C1orf21: variants seen among roughly 807,000 people sequenced by gnomAD.
C1orf21 encodes uncharacterized protein C1orf21.
In C1orf21, 3 loss-of-function variants were observed where a neutral mutation model predicts 18.7. The observed-to-expected ratio is 0.16, with a 90% CI of 0.07 to 0.42. C1orf21 has a LOEUF of 0.42. Among genes scored for constraint, C1orf21 ranks in the 10% least tolerant of loss-of-function variants. The pLI is 0.99. For missense variants in C1orf21, 104 were observed against 143.6 expected, an observed-to-expected ratio of 0.72 and a Z score of 1.41; for synonymous variants, 41 against 46.4, an observed-to-expected ratio of 0.88 and a Z score of 0.47.
At chr1:184,602,108 C>T (rs570061207) in intron 5 of C1orf21, among the ~76,000 whole-genome samples, 1 of 152,200 alleles carries the variant, frequency 6.6e-6, no homozygotes, top group South Asian at 2.1e-4. Context: ...GAGTACTTCA[C>T]CCATCACCAC....
intron 3 of C1orf21, among the ~76,000 whole-genome samples, chr1:184,546,609 C>G (rs1394176420): frequency 6.6e-6 from 1 of 152,192 alleles, no homozygotes; most frequent in Non-Finnish European, 1.5e-5. Context: ...AGACCACAGA[C>G]TCTGTTAAGT....
chr1:184,475,685 A>C (rs1002609654), intron 1 of C1orf21, among the ~76,000 whole-genome samples: 37 of 151,872 alleles, frequency 2.4e-4, no homozygotes, highest in Admixed American at 2.4e-3. Flanking sequence ...TAGACCATCA[A>C]ATAGAAATAC....
intron 2 of C1orf21, among the ~76,000 whole-genome samples, chr1:184,487,619 G>C (rs1193513376): frequency 6.6e-6 from 1 of 152,218 alleles, no homozygotes; most frequent in African/African-American, 2.4e-5. Flanking sequence ...CTTGAGGTCA[G>C]ACTCAGTTTT....
chr1:184,502,643 G>T (rs1299144874), intron 2 of C1orf21, among the ~76,000 whole-genome samples: 1 of 152,026 alleles, frequency 6.6e-6, no homozygotes, highest in Non-Finnish European at 1.5e-5. Flanking sequence ...TATCATAAGG[G>T]ATATTTACAA....
At chr1:184,438,949 G>A (rs1270498576) in intron 1 of C1orf21, among the ~76,000 whole-genome samples, 1 of 152,136 alleles carries the variant, frequency 6.6e-6, no homozygotes, top group East Asian at 1.9e-4. Flanking sequence ...AGTGGCTCAC[G>A]CCTGCAATCC....
chr1:184,481,441 AC>A (rs1657652540), intron 2 of C1orf21, among the ~76,000 whole-genome samples: 1 of 152,172 alleles, frequency 6.6e-6, no homozygotes, highest in African/African-American at 2.4e-5. Context: ...ACTCATACCC[AC>A]ATGCCACTAG....
chr1:184,566,461 C>A, intron 3 of C1orf21: 1 of 245,186 alleles, frequency 4.1e-6, no homozygotes, highest in Non-Finnish European at 8.0e-6. Flanking sequence ...TATATATGAA[C>A]TTGTTGTTCT....
intron 1 of C1orf21, among the ~76,000 whole-genome samples, chr1:184,388,941 G>C (rs1305471247): frequency 6.6e-6 from 1 of 152,100 alleles, no homozygotes; most frequent in African/African-American, 2.4e-5. Context: ...AGGATCAATA[G>C]AACATGTTCC....
At chr1:184,589,374 C>T (rs753123027) in intron 3 of C1orf21, among the ~76,000 whole-genome samples, 1 of 152,110 alleles carries the variant, frequency 6.6e-6, no homozygotes, top group Non-Finnish European at 1.5e-5. Context: ...ATTCATTCAC[C>T]AGTATTTGCT....
rs1209690823 is a variant in C1orf21 at position 184,620,542 on chromosome 1, T to G, written c.*986T>G. Reference sequence around the variant, plus strand: ...AGGCCTGAAACCACCTTGTTACCTTTCATTTTGTTAGCAAATAAACCATCC... The same window carrying G: ...AGGCCTGAAACCACCTTGTTACCTTGCATTTTGTTAGCAAATAAACCATCC... On this transcript the variant is annotated 3_prime_UTR_variant, in exon 6 of 6. Coordinates refer to ENST00000235307, the MANE Select transcript of C1orf21 (RefSeq NM_030806.4). The G allele has an allele frequency of 6.6e-6, 1 of 152,668 alleles. No individual in the cohort carries two copies. The highest frequency in any genetic ancestry group is 1.5e-5 in the Non-Finnish European group (1 of 68,048). The allele number at this position is 152,668 out of a possible 1,614,324, so 9.5% of individuals were successfully genotyped here. A position where few individuals can be genotyped will look rare whatever the true frequency, so the allele number is the denominator to read the frequency against.
chr1:184,410,642 T>A (rs1195295774), intron 1 of C1orf21, among the ~76,000 whole-genome samples: 3 of 5,380 alleles, frequency 5.6e-4, no homozygotes, highest in East Asian at 0.013. Flanking sequence ...TATATATATA[T>A]ATATATATAT....
At chr1:184,617,800 A>G (rs1659851281) in intron 5 of C1orf21, among the ~76,000 whole-genome samples, 1 of 152,054 alleles carries the variant, frequency 6.6e-6, no homozygotes, top group Non-Finnish European at 1.5e-5. Context: ...GGTGAATCCC[A>G]TTCTAAGGGA....
chr1:184,546,371 G>T lies in C1orf21; in HGVS notation c.189+38689G>T, dbSNP rs545384637. ...GATTGCTTGAACCCAGGAGGCAGAGGCTGCAGTGAGCCGAGATTGCACTGC... is the reference window on the plus strand; with the variant it reads ...GATTGCTTGAACCCAGGAGGCAGAGTCTGCAGTGAGCCGAGATTGCACTGC... On this transcript the variant is annotated intron_variant, in intron 3 of 5. Transcript: ENST00000235307. Among the ~76,000 whole-genome samples the T allele has an allele frequency of 2.0e-5, 3 of 152,266 alleles. No homozygotes were observed. In the South Asian group the frequency reaches 6.2e-4, roughly 32 times the overall value.
intron 1 of C1orf21, among the ~76,000 whole-genome samples, chr1:184,448,797 A>G (rs920371171): frequency 6.6e-6 from 1 of 152,130 alleles, no homozygotes; most frequent in South Asian, 2.1e-4. Flanking sequence ...GGGCAGTGAG[A>G]GAGTTTTCAA....
At chr1:184,570,170 T>A (rs1242071788) in intron 3 of C1orf21, among the ~76,000 whole-genome samples, 1 of 152,154 alleles carries the variant, frequency 6.6e-6, no homozygotes, top group Non-Finnish European at 1.5e-5. Flanking sequence ...ACAACTTTTT[T>A]ATTTTTTTAT....
intron 3 of C1orf21, among the ~76,000 whole-genome samples, chr1:184,551,136 C>T: frequency 6.6e-6 from 1 of 152,102 alleles, no homozygotes; most frequent in East Asian, 1.9e-4. Flanking sequence ...CATATATGAT[C>T]CCTGGAATAC....
intron 3 of C1orf21, among the ~76,000 whole-genome samples, chr1:184,539,035 T>C (rs1658603519): frequency 6.6e-6 from 1 of 152,234 alleles, no homozygotes; most frequent in African/African-American, 2.4e-5. Context: ...CAGTTCCATG[T>C]TGAATTGAAG....
At chr1:184,488,904 G>A (rs555938531) in intron 2 of C1orf21, among the ~76,000 whole-genome samples, 1 of 152,334 alleles carries the variant, frequency 6.6e-6, no homozygotes, top group East Asian at 1.9e-4. Flanking sequence ...GGCGGAGGTT[G>A]CAGTGAGCCA....
intron 3 of C1orf21, among the ~76,000 whole-genome samples, chr1:184,524,590 C>A (rs888086411): frequency 1.3e-5 from 2 of 151,924 alleles, no homozygotes; most frequent in Admixed American, 1.3e-4. Flanking sequence ...TTCTTCCATT[C>A]AGTTAGAATA....
Sources: gnomAD v4.1 joint callset for allele counts (sites outside exome capture counted in the v4.1 genomes callset) on GRCh38, gnomAD v4.1.1 for gene constraint, MANE v1.5 for transcripts, NCBI Gene and HGNC (gene_info 2026-07-23, HGNC 2026-07-21) for gene names.